MTBP: variants seen among roughly 807,000 people sequenced by gnomAD.
MTBP encodes the protein MDM2 binding protein, also known as mdm2-binding protein.
MTBP carries 101 observed loss-of-function variants against 117.0 expected under a neutral mutation model. The ratio of observed to expected loss-of-function variants is 0.86; its 90% CI spans 0.73 to 1.02. The LOEUF is 1.02. MTBP is among the 50% of genes least tolerant of loss of function. The pLI is 0.00. For synonymous variants in MTBP, 350 were observed against 351.5 expected, an observed-to-expected ratio of 1.00 and a Z score of 0.05; for missense variants, 970 against 1,030.9, an observed-to-expected ratio of 0.94 and a Z score of 0.81.
At chr8:120,507,508 G>A (rs1808201027) in intron 16 of MTBP, among the ~76,000 whole-genome samples, 1 of 152,100 alleles carries the variant, frequency 6.6e-6, no homozygotes, top group Non-Finnish European at 1.5e-5. Context: ...TTACTCTAAT[G>A]TCTTTTTAAT....
chr8:120,501,317 G>A (rs1814582395), intron 14 of MTBP, among the ~76,000 whole-genome samples: 1 of 152,088 alleles, frequency 6.6e-6, no homozygotes, highest in Non-Finnish European at 1.5e-5. Flanking sequence ...AGCGGAGATT[G>A]GGCCAGTGCA....
At chr8:120,460,805 G>T (rs1180639020) in intron 8 of MTBP, among the ~76,000 whole-genome samples, 3 of 151,976 alleles carry the variant, frequency 2.0e-5, no homozygotes, top group Non-Finnish European at 4.4e-5. Context: ...GAGGTAGGTT[G>T]CTAATTTGTT....
chr8:120,506,277 A>G lies in MTBP; in HGVS notation c.1728-429A>G, dbSNP rs78830373. Among the ~76,000 whole-genome samples, 97 of 152,254 alleles carry G rather than the reference A, an allele frequency of 6.4e-4. 1 individual carries two copies. Among genetic ancestry groups the G allele is most frequent in the Non-Finnish European group, 1.1e-3 (78 of 67,988 alleles). On this transcript the variant is annotated intron_variant, in intron 15 of 21. Coordinates refer to ENST00000305949, the MANE Select transcript of MTBP (RefSeq NM_022045.5). ...GTGCTTCAAGTAATCTTTCCAGTTCATGGAAAATTGGAACATTCAGTCACT... is the reference window on the plus strand; with the variant it reads ...GTGCTTCAAGTAATCTTTCCAGTTCGTGGAAAATTGGAACATTCAGTCACT...
At chr8:120,499,933 T>G (rs1057308702) in intron 14 of MTBP, among the ~76,000 whole-genome samples, 7 of 152,372 alleles carry the variant, frequency 4.6e-5, no homozygotes, top group Admixed American at 2.0e-4. Context: ...ATCGTTATTT[T>G]ATTACTTCAA....
rs2130601219 is a variant in MTBP at position 120,501,732 on chromosome 8, C to T, written c.1610-760C>T. On this transcript the variant is annotated intron_variant, in intron 14 of 21. Coordinates refer to ENST00000305949, the MANE Select transcript of MTBP (RefSeq NM_022045.5). ...TTCTAAAACCAGATAGTTTTGCAAT[C>T]CAAAAAGTAGCACAGTTAGTAATTT... 1.3e-5 allele frequency among the ~76,000 whole-genome samples: 2 copies of T among 152,106 alleles called. 1 individual carries two copies. The highest frequency in any genetic ancestry group is 1.3e-4 in the Admixed American group (2 of 15,282).
intron 11 of MTBP, among the ~76,000 whole-genome samples, chr8:120,484,611 T>C (rs571817371): frequency 3.2e-4 from 48 of 152,322 alleles, no homozygotes; most frequent in Admixed American, 6.5e-4. Flanking sequence ...AGCAGAACTT[T>C]ACATTCCTAA....
chr8:120,500,198 A>T (rs537098436), intron 14 of MTBP, among the ~76,000 whole-genome samples: 5 of 151,790 alleles, frequency 3.3e-5, no homozygotes, highest in African/African-American at 1.2e-4. Flanking sequence ...TTTTTAAAGC[A>T]GTGTTCTTGG....
intron 20 of MTBP, among the ~76,000 whole-genome samples, chr8:120,520,887 T>A (rs1238786329): frequency 2.6e-5 from 4 of 152,110 alleles, no homozygotes; most frequent in African/African-American, 9.7e-5. Flanking sequence ...GAGGATTTAA[T>A]GAAGATACAT....
At chr8:120,453,041 T>C (rs1230529036) in intron 4 of MTBP, among the ~76,000 whole-genome samples, 1 of 152,122 alleles carries the variant, frequency 6.6e-6, no homozygotes, top group Non-Finnish European at 1.5e-5. Flanking sequence ...ATAAAACTAA[T>C]AAGTTTTGAA....
chr8:120,462,984 T>G (rs1477669032), intron 9 of MTBP, among the ~76,000 whole-genome samples: 1 of 152,130 alleles, frequency 6.6e-6, no homozygotes, highest in Non-Finnish European at 1.5e-5. Flanking sequence ...TACATAATAT[T>G]CAGTATACTT....
chr8:120,516,804 A>G (rs779683584), intron 18 of MTBP, among the ~76,000 whole-genome samples: 2 of 152,052 alleles, frequency 1.3e-5, no homozygotes, highest in Non-Finnish European at 2.9e-5. Context: ...TGGCATCTAA[A>G]GCAAGGCTTG....
chr8:120,475,225 G>A (rs1813907975), intron 11 of MTBP, among the ~76,000 whole-genome samples: 1 of 151,882 alleles, frequency 6.6e-6, no homozygotes, highest in Admixed American at 6.6e-5. Flanking sequence ...GTTACAAACA[G>A]ACTCTTCTCC....
At position 120,504,659 on chromosome 8, in the gene MTBP, T is replaced by G. The variant is rs528367071; in HGVS notation, c.1728-2047T>G. 2.1e-4 allele frequency among the ~76,000 whole-genome samples: 32 copies of G among 152,220 alleles called. No homozygotes were observed. In the South Asian group the frequency reaches 6.6e-3, roughly 32 times the overall value. ...TAGATTCAAGTCTTTTGTCTTTTTG[T>G]GGCTCTGAGAAATATCTTATTATTT... On this transcript the variant is annotated intron_variant, in intron 15 of 21. Transcript: ENST00000305949.
At chr8:120,480,265 C>G (rs1814047986) in intron 11 of MTBP, among the ~76,000 whole-genome samples, 1 of 151,160 alleles carries the variant, frequency 6.6e-6, no homozygotes, top group Admixed American at 6.6e-5. Context: ...CAAAAATTAG[C>G]CAGGCGTGGT....
rs745921724 is a variant in MTBP at position 120,455,464 on chromosome 8, C to T, written c.514C>T (p.Leu172Phe). 5 of 1,608,876 alleles carry T rather than the reference C, an allele frequency of 3.1e-6. No individual in the cohort carries two copies. In the Admixed American group the frequency reaches 8.4e-5, roughly 27 times the overall value. The change falls in exon 6 of 22, where the codon CTT becomes TTT. Residue 172 changes from leucine (L) to phenylalanine (F), a missense_variant. Transcript: ENST00000305949. The part of the protein sequence containing the change: ...GRAMVDIILL[L>F]SDKDPPKLKD... ...AGCAATGGTAGATATAATACTGTTG[C>T]TTTCTGACAAAGATCCTCCTAAATT... is the stretch of plus-strand genomic sequence containing the variant.
chr8:120,485,662 G>A (rs1356152621), intron 11 of MTBP, among the ~76,000 whole-genome samples: 3 of 152,086 alleles, frequency 2.0e-5, no homozygotes, highest in Non-Finnish European at 2.9e-5. Context: ...TTCCCCTTCT[G>A]TAGGTATTAC....
At chr8:120,503,848 A>T (rs1814634661) in intron 15 of MTBP, among the ~76,000 whole-genome samples, 3 of 152,088 alleles carry the variant, frequency 2.0e-5, no homozygotes. Flanking sequence ...GATGCATTAG[A>T]TGTGGAATAG....
At chr8:120,494,068 A>G (rs1814404206) in intron 13 of MTBP, among the ~76,000 whole-genome samples, 1 of 152,166 alleles carries the variant, frequency 6.6e-6, no homozygotes, top group Non-Finnish European at 1.5e-5. Context: ...GAAGGACCCT[A>G]CCAATGTCCA....
At chr8:120,478,577 A>C (rs1813998246) in intron 11 of MTBP, among the ~76,000 whole-genome samples, 1 of 152,206 alleles carries the variant, frequency 6.6e-6, no homozygotes, top group Admixed American at 6.5e-5. Flanking sequence ...TCTTTTGAAA[A>C]GAAACATGTT....
Sources: gnomAD v4.1 joint callset for allele counts (sites outside exome capture counted in the v4.1 genomes callset) on GRCh38, gnomAD v4.1.1 for gene constraint, MANE v1.5 for transcripts, NCBI Gene and HGNC (gene_info 2026-07-23, HGNC 2026-07-21) for gene names.